The following SEMA4D variants were observed in gnomAD, a reference collection of about 807,000 sequenced individuals.
The protein encoded by SEMA4D is semaphorin 4D, also known as semaphorin-4D.
A neutral mutation model predicts 74.8 loss-of-function variants in SEMA4D; 22 were observed. The ratio of observed to expected loss-of-function variants is 0.29; its 90% confidence interval spans 0.21 to 0.42. SEMA4D has a LOEUF of 0.42. Among genes scored for constraint, SEMA4D ranks in the 10% least tolerant of loss-of-function variants. The probability of loss-of-function intolerance (pLI) is 1.00; values close to 1 mark genes in which losing one functional copy is unlikely to be tolerated. For synonymous variants in SEMA4D, 445 were observed against 463.7 expected (o/e 0.96, Z 0.52); for missense variants, 937 against 1,118.4 (o/e 0.84, Z 2.31).
chr9:89,392,627 C>G lies in SEMA4D; in HGVS notation c.509-91G>C, dbSNP rs962699415. On this transcript the variant is annotated intron_variant, in intron 7 of 15. Transcript: ENST00000422704. ...GACAAACATTCAACACGGTGTTTTC[C>G]TTTATAACCCAATTAAGTCCCTGCC... 11 of 802,530 alleles carry G rather than the reference C, an allele frequency of 1.4e-5. No individual in the cohort carries two copies. The African/African-American group carries it at 1.7e-4, about 13-fold the overall frequency. The allele number at this position is 802,530 out of a possible 1,614,324, so 49.7% of individuals were successfully genotyped here.
intron 2 of SEMA4D, among the ~76,000 whole-genome samples, chr9:89,426,603 CT>C (rs1848156412): frequency 6.6e-6 from 1 of 152,176 alleles, no homozygotes; most frequent in African/African-American, 2.4e-5. Flanking sequence ...TCATCTGGGG[CT>C]GTCAGTTCCC....
chr9:89,472,342 G>T (rs1860582721), intron 1 of SEMA4D: 1 of 425,928 alleles, frequency 2.3e-6, no homozygotes, highest in Non-Finnish European at 4.6e-6. Context: ...AGTTAGCTGG[G>T]ATTGAGAAGA....
chr9:89,433,905 G>A (rs1252690588), intron 2 of SEMA4D, among the ~76,000 whole-genome samples: 4 of 152,296 alleles, frequency 2.6e-5, no homozygotes, highest in Non-Finnish European at 4.4e-5. Context: ...CAGCCAGAGC[G>A]CCACCACTCC....
intron 2 of SEMA4D, among the ~76,000 whole-genome samples, chr9:89,430,697 C>T (rs1374125544): frequency 1.3e-5 from 2 of 152,232 alleles, no homozygotes; most frequent in Non-Finnish European, 2.9e-5. Flanking sequence ...ATCAGATGGG[C>T]CGAGCGTGGT....
chr9:89,392,834 C>A, intron 7 of SEMA4D, among the ~76,000 whole-genome samples: 1 of 152,322 alleles, frequency 6.6e-6, no homozygotes, highest in East Asian at 1.9e-4. Flanking sequence ...TCAAGCAATT[C>A]TCCTGCCTCA....
chr9:89,382,683 C>T (rs80051270), intron 13 of SEMA4D, among the ~76,000 whole-genome samples: 6,074 of 152,290 alleles, frequency 0.04, 349 homozygotes, highest in Admixed American at 0.14. Flanking sequence ...TCGGGCATCG[C>T]GCGGCTTGTG....
chr9:89,415,271 T>C (rs9410321), intron 2 of SEMA4D, among the ~76,000 whole-genome samples: 40,619 of 152,164 alleles, frequency 0.27, 5,757 homozygotes, highest in Middle Eastern at 0.4. Context: ...AATGTTGACC[T>C]GCTGCCATCT....
chr9:89,389,008 T>C lies in SEMA4D; in HGVS notation c.814A>G (p.Thr272Ala), dbSNP rs1839204868. The change falls in exon 10 of 16, where the codon ACC becomes GCC. Residue 272 changes from threonine to alanine, a missense_variant. Coordinates refer to ENST00000422704, the MANE Select transcript of SEMA4D (RefSeq NM_001371194.2). ...GGLRTLQKKWTSFLKARLICS... is the reference protein window; with the variant it reads ...GGLRTLQKKWASFLKARLICS... ...ATGAGTCGGGCTTTCAGGAAGGAGG[T>C]CCATTTCTTCTGCAAGGTCCTCAGG... 1 of 1,613,342 alleles carries C rather than the reference T, an allele frequency of 6.2e-7. No homozygotes were observed. Among genetic ancestry groups the C allele is most frequent in the Admixed American group, 1.7e-5 (1 of 59,934 alleles).
intron 7 of SEMA4D, 142 bp downstream of exon 7, chr9:89,393,420 C>G (rs757121062): frequency 1.8e-5 from 12 of 669,044 alleles, no homozygotes. Flanking sequence ...TCTATGCAGT[C>G]ACATGTGCCT....
At chr9:89,362,286 T>G in exon 19 of SEMA4D, 1 of 1,584,610 alleles carries the variant, frequency 6.3e-7, no homozygotes, top group Non-Finnish European at 8.7e-7. Flanking sequence ...CAGAGCAGGC[T>G]TGGGCAAGAC....
intron 2 of SEMA4D, among the ~76,000 whole-genome samples, chr9:89,428,829 A>G (rs1848642391): frequency 6.6e-6 from 1 of 152,218 alleles, no homozygotes; most frequent in African/African-American, 2.4e-5. Context: ...TACGCAAGAA[A>G]GCAGCCACTA....
chr9:89,455,565 C>G (rs1002803934), intron 2 of SEMA4D, among the ~76,000 whole-genome samples: 2 of 152,172 alleles, frequency 1.3e-5, no homozygotes, highest in African/African-American at 4.8e-5. Context: ...GCCGGGGAAG[C>G]TGGTGCTGAG....
Position 89,443,595 on chromosome 9 carries a change from G to A in SEMA4D, c.-244+12293C>T, listed in dbSNP as rs183186897. ...GATCTGCCTGGGGTAGGCGGGTGGC[G>A]GACGGCCCTGGCCCTGCAGCGCTCA... On this transcript the variant is annotated intron_variant, in intron 2 of 15. Coordinates refer to ENST00000422704, the MANE Select transcript of SEMA4D (RefSeq NM_001371194.2). 6.0e-4 allele frequency among the ~76,000 whole-genome samples: 91 copies of A among 152,350 alleles called. 1 individual carries two copies. Among genetic ancestry groups the A allele is most frequent in the Non-Finnish European group, 7.8e-4 (53 of 68,036 alleles).
intron 1 of SEMA4D, among the ~76,000 whole-genome samples, chr9:89,489,575 T>A (rs560557824): frequency 7.0e-4 from 107 of 152,362 alleles, no homozygotes; most frequent in African/African-American, 2.5e-3. Context: ...ATTCTGAACA[T>A]TTCATATCAA....
At chr9:89,465,718 T>C (rs1003119903) in intron 1 of SEMA4D, among the ~76,000 whole-genome samples, 2 of 152,230 alleles carry the variant, frequency 1.3e-5, no homozygotes, top group Admixed American at 6.5e-5. Flanking sequence ...GTCAATTGTC[T>C]CTCCAGGAGG....
chr9:89,375,305 A>G (rs1433636763), downstream of SEMA4D, among the ~76,000 whole-genome samples: 1 of 152,176 alleles, frequency 6.6e-6, no homozygotes, highest in East Asian at 1.9e-4. Context: ...AGCACCATTC[A>G]GCTGTGAGAG....
At chr9:89,497,759 A>G (rs1826148427) in intron 1 of SEMA4D, among the ~76,000 whole-genome samples, 160 bp downstream of exon 1, 1 of 150,928 alleles carries the variant, frequency 6.6e-6, no homozygotes, top group Admixed American at 6.6e-5. Context: ...GGGTCCGGGG[A>G]TCCCAGAAGG....
chr9:89,450,864 G>T, intron 2 of SEMA4D: 1 of 513,816 alleles, frequency 1.9e-6, no homozygotes, highest in Non-Finnish European at 3.4e-6. Flanking sequence ...GCAGAGTGGG[G>T]GTGTCCCTGC....
chr9:89,450,463 T>G (rs1195846199), intron 2 of SEMA4D: 2 of 1,406,772 alleles, frequency 1.4e-6, no homozygotes, highest in East Asian at 4.6e-5. Flanking sequence ...CATGAAATGC[T>G]GCAACCATTT....
Sources: gnomAD v4.1 joint callset for allele counts (sites outside exome capture counted in the v4.1 genomes callset) on GRCh38, gnomAD v4.1.1 for gene constraint, MANE v1.5 for transcripts, NCBI Gene and HGNC (gene_info 2026-07-23, HGNC 2026-07-21) for gene names.